FUT8: variants seen among roughly 807,000 people sequenced by gnomAD.
FUT8 encodes the protein alpha-(1,6)-fucosyltransferase.
FUT8 carries 29 observed loss-of-function variants against 71.3 expected under a neutral mutation model. That is an observed-to-expected ratio of 0.41 (90% CI 0.30 to 0.55). The LOEUF (loss-of-function observed/expected upper bound fraction) is 0.55. Ranked by LOEUF, FUT8 falls within the 20% of genes least tolerant of loss-of-function variation. The probability of loss-of-function intolerance (pLI) is 0.34; values close to 1 mark genes in which losing one functional copy is unlikely to be tolerated. For missense variants in FUT8, 544 were observed against 702.1 expected (o/e 0.77, Z 2.55); for synonymous variants, 254 against 239.3 (o/e 1.06, Z -0.57).
At chr14:65,504,529 G>A (rs1481867650) in intron 2 of FUT8, among the ~76,000 whole-genome samples, 1 of 152,038 alleles carries the variant, frequency 6.6e-6, no homozygotes, top group Non-Finnish European at 1.5e-5. Flanking sequence ...TATATTCTAG[G>A]GGAAGGAAGA....
At chr14:65,424,301 C>G (rs2065348825) in intron 1 of FUT8, among the ~76,000 whole-genome samples, 1 of 152,040 alleles carries the variant, frequency 6.6e-6, no homozygotes, top group Non-Finnish European at 1.5e-5. Flanking sequence ...GGGTGTAGTA[C>G]AGTTAAATTT....
At position 65,638,916 on chromosome 14, in the gene FUT8, G is replaced by T. The variant is rs1890698316; in HGVS notation, c.597+9310G>T. On this transcript the variant is annotated intron_variant, in intron 6 of 10. Coordinates refer to ENST00000673929, the MANE Select transcript of FUT8 (RefSeq NM_001371533.1). The surrounding 1 kb of genome is among the most constrained non-coding windows in gnomAD (Gnocchi z 4.5). Reference sequence around the variant, plus strand: ...TGTAACTCATTAGAAAAAGTTGTCAGCCTAACTACATTAAAATATTTGCTA... The same window carrying T: ...TGTAACTCATTAGAAAAAGTTGTCATCCTAACTACATTAAAATATTTGCTA... Among the ~76,000 whole-genome samples the T allele has an allele frequency of 6.6e-6, 1 of 152,150 alleles. No homozygotes were observed. The highest frequency in any genetic ancestry group is 1.5e-5 in the Non-Finnish European group (1 of 68,024).
the FUT8 span, among the ~76,000 whole-genome samples, chr14:65,360,932 A>C: frequency 3.9e-5 from 6 of 152,324 alleles, no homozygotes; most frequent in African/African-American, 1.4e-4. Context: ...TTGTTCTGCA[A>C]AATGGGGATG....
At chr14:65,654,256 G>A (rs1891550675) in intron 6 of FUT8, among the ~76,000 whole-genome samples, 2 of 152,126 alleles carry the variant, frequency 1.3e-5, no homozygotes, top group African/African-American at 4.8e-5. Flanking sequence ...TGTAATAATT[G>A]TTGTATATAG....
intron 3 of FUT8, among the ~76,000 whole-genome samples, chr14:65,570,199 A>C (rs1886396634): frequency 6.6e-6 from 1 of 152,026 alleles, no homozygotes; most frequent in South Asian, 2.1e-4. Context: ...GAATCCAGCA[A>C]ATCAATCATG....
intron 2 of FUT8, among the ~76,000 whole-genome samples, chr14:65,468,802 C>T (rs2066088236): frequency 6.6e-6 from 1 of 151,956 alleles, no homozygotes; most frequent in African/African-American, 2.4e-5. Flanking sequence ...TCTCTTTACT[C>T]TTCCTTTCTT....
the FUT8 span, among the ~76,000 whole-genome samples, chr14:65,395,341 C>A: frequency 2.6e-5 from 4 of 152,224 alleles, no homozygotes; most frequent in African/African-American, 7.2e-5. Context: ...GGCTTCAACC[C>A]CACATTTCCC....
chr14:65,426,700 G>A (rs1486588279), intron 1 of FUT8, among the ~76,000 whole-genome samples: 2 of 152,126 alleles, frequency 1.3e-5, no homozygotes, highest in East Asian at 3.8e-4. Context: ...AGGTCAGAGC[G>A]CTCTTCTTAC....
In FUT8 at chr14:65,669,207, C is replaced by CT. The variant is rs1172117996; in HGVS notation, c.598-34dup. On this transcript the variant is annotated intron_variant, in intron 6 of 10. Coordinates refer to ENST00000673929, the MANE Select transcript of FUT8 (RefSeq NM_001371533.1). The surrounding 1 kb of genome is among the most constrained non-coding windows in gnomAD (Gnocchi z 4.5). The stretch of plus-strand genomic sequence containing the variant: ...AAGAGCAGTTGACCTCTCTGTACAA[C>CT]TTATCTTTATTTTCATTTCTCTTTC... 1.3e-6 allele frequency: 2 copies of CT among 1,522,628 alleles called. No individual in the cohort carries two copies. The highest frequency in any genetic ancestry group is 4.5e-5 in the East Asian group (2 of 44,412). 94.3% of individuals were successfully genotyped at this position (1,522,628 alleles called of 1,614,324 possible).
Position 65,744,121 on chromosome 14 carries a change from A to G in FUT8, c.*1711A>G, listed in dbSNP as rs930480069. On this transcript the variant is annotated 3_prime_UTR_variant, in exon 11 of 11. Transcript: ENST00000673929. ...GTACAAATAAAAGTCATTTGAAACA[A>G]TCTCCAACTGAGCGGAGGTAATTTT... 3 of 151,924 alleles carry G rather than the reference A, an allele frequency of 2.0e-5. No homozygotes were observed. The highest frequency in any genetic ancestry group is 2.0e-4 in the Admixed American group (3 of 15,236). The allele number at this position is 151,924 out of a possible 1,614,324, so 9.4% of individuals were successfully genotyped here. A position where few individuals can be genotyped will look rare whatever the true frequency, so the allele number is the denominator to read the frequency against.
At chr14:65,391,862 T>C in the FUT8 span, among the ~76,000 whole-genome samples, 1 of 152,166 alleles carries the variant, frequency 6.6e-6, no homozygotes, top group Admixed American at 6.5e-5. Flanking sequence ...CCTCAAGTGA[T>C]CCACCCGCCT....
At chr14:65,666,019 A>G (rs1037093424) in intron 6 of FUT8, among the ~76,000 whole-genome samples, 6 of 152,128 alleles carry the variant, frequency 3.9e-5, no homozygotes, top group Admixed American at 1.3e-4. Flanking sequence ...AAAGTGTACA[A>G]CAAACCCCCA....
At chr14:65,739,510 T>C (rs1441988861) in intron 10 of FUT8, among the ~76,000 whole-genome samples, 1 of 152,020 alleles carries the variant, frequency 6.6e-6, no homozygotes, top group African/African-American at 2.4e-5. Flanking sequence ...GGGTGCGATG[T>C]TGTTTTTATG....
At position 65,455,633 on chromosome 14, in the gene FUT8, G is replaced by A. The variant is rs2065885415; in HGVS notation, c.-313G>A. ...TATTTTGTTTCAGGTTGCTGCTTTT[G>A]CTCAGAGGACATCCATGACCCTAAT... On this transcript the variant is annotated 5_prime_UTR_variant, in exon 2 of 11. Coordinates refer to ENST00000673929, the MANE Select transcript of FUT8 (RefSeq NM_001371533.1). 1 of 398,208 alleles carries A rather than the reference G, an allele frequency of 2.5e-6. No individual in the cohort carries two copies. The highest frequency in any genetic ancestry group is 4.4e-6 in the Non-Finnish European group (1 of 225,926). The allele number at this position is 398,208 out of a possible 1,614,324, so 24.7% of individuals were successfully genotyped here.
chr14:65,377,411 T>C, the FUT8 span, among the ~76,000 whole-genome samples: 3 of 152,056 alleles, frequency 2.0e-5, no homozygotes, highest in African/African-American at 7.2e-5. Context: ...ATAAAAAAAA[T>C]TTAAAAAAAC....
In FUT8 at chr14:65,619,339, A is replaced by ACTC. The variant is rs759973332; in HGVS notation, c.482+2972_482+2974dup. Among the ~76,000 whole-genome samples the ACTC allele has an allele frequency of 7.9e-5, 12 of 151,592 alleles. No individual in the cohort carries two copies. The East Asian group carries it at 2.1e-3, about 27-fold the overall frequency. ...CCCATCAGTGAGCTGTGGGGGTAAG[A>ACTC]CTCCTCCTTTGTTGCCCACTTGAAG... On this transcript the variant is annotated intron_variant, in intron 5 of 10. Coordinates refer to ENST00000673929, the MANE Select transcript of FUT8 (RefSeq NM_001371533.1).
At chr14:65,402,677 A>AG in the FUT8 span, among the ~76,000 whole-genome samples, 1 of 150,948 alleles carries the variant, frequency 6.6e-6, no homozygotes, top group Admixed American at 6.6e-5. Context: ...AGCAAAAAAA[A>AG]TTGTAGAGAT....
intron 2 of FUT8, among the ~76,000 whole-genome samples, chr14:65,539,058 AT>A (rs1884520902): frequency 6.6e-6 from 1 of 152,180 alleles, no homozygotes; most frequent in African/African-American, 2.4e-5. Flanking sequence ...ATTATTCAAG[AT>A]CTTTTAGATA....
intron 3 of FUT8, among the ~76,000 whole-genome samples, chr14:65,580,865 C>T (rs1213027328): frequency 6.6e-6 from 1 of 152,052 alleles, no homozygotes; most frequent in Non-Finnish European, 1.5e-5. Flanking sequence ...AGCCCCTAGA[C>T]ACAGTGTGGA....
Sources: allele counts gnomAD v4.1 joint callset (sites outside exome capture counted in the v4.1 genomes callset), GRCh38; gene constraint gnomAD v4.1.1; non-coding constraint Gnocchi (gnomAD v3.1); transcripts MANE v1.5; gene names NCBI Gene and HGNC (gene_info 2026-07-23, HGNC 2026-07-21).